Variants in HS6ST3 observed in about 807,000 individuals in gnomAD.
The protein encoded by HS6ST3 is heparan-sulfate 6-O-sulfotransferase 3.
A neutral mutation model predicts 36.7 loss-of-function variants in HS6ST3; 12 were observed. That is an observed-to-expected ratio of 0.33 (90% confidence interval 0.21 to 0.53). HS6ST3 has a LOEUF of 0.53. Ranked by LOEUF, HS6ST3 falls within the 20% of genes least tolerant of loss-of-function variation. The pLI is 0.95. For synonymous variants in HS6ST3, 240 were observed against 257.5 expected (o/e 0.93, Z 0.65); for missense variants, 584 against 640.9 (o/e 0.91, Z 0.96).
At chr13:96,729,678 G>A (rs180691040) in intron 1 of HS6ST3, among the ~76,000 whole-genome samples, 1 of 152,034 alleles carries the variant, frequency 6.6e-6, no homozygotes, top group Admixed American at 6.5e-5. Flanking sequence ...TGTTGGCCAG[G>A]CTGGTCTCAA....
intron 1 of HS6ST3, among the ~76,000 whole-genome samples, chr13:96,795,826 G>A (rs1877896609): frequency 6.6e-6 from 1 of 152,076 alleles, no homozygotes; most frequent in Admixed American, 6.6e-5. Flanking sequence ...ATTCTCCTTT[G>A]CAATTTCTGC....
At chr13:96,473,649 C>T (rs2138892301) in intron 1 of HS6ST3, among the ~76,000 whole-genome samples, 1 of 152,290 alleles carries the variant, frequency 6.6e-6, no homozygotes, top group Non-Finnish European at 1.5e-5. Flanking sequence ...CTGCTCTTGG[C>T]AGGGACTTAC....
chr13:96,833,121 C>T lies in HS6ST3; in HGVS notation c.1339C>T (p.His447Tyr). Reference protein sequence around the residue: ...ERRLQREHRDHQWPKEDGAAE... With the variant: ...ERRLQREHRDYQWPKEDGAAE... ...GAGGCTGCAGCGAGAGCACAGGGAC[C>T]ACCAGTGGCCCAAAGAAGATGGGGC... is the stretch of plus-strand genomic sequence containing the variant. Residue 447 changes from histidine to tyrosine, a missense_variant, in exon 2 of 2, where the codon CAC becomes TAC. Coordinates refer to ENST00000376705, the MANE Select transcript of HS6ST3 (RefSeq NM_153456.4). 6.2e-7 allele frequency: 1 copy of T among 1,602,762 alleles called. No homozygotes were observed. Among genetic ancestry groups the T allele is most frequent in the Non-Finnish European group, 8.5e-7 (1 of 1,179,660 alleles).
intron 1 of HS6ST3, among the ~76,000 whole-genome samples, chr13:96,422,127 T>A (rs760466892): frequency 5.3e-5 from 8 of 152,204 alleles, no homozygotes; most frequent in Non-Finnish European, 1.2e-4. Flanking sequence ...TGTTAAGATA[T>A]ACTTTTTGTC....
At chr13:96,267,373 A>T (rs909129137) in intron 1 of HS6ST3, among the ~76,000 whole-genome samples, 1 of 152,180 alleles carries the variant, frequency 6.6e-6, no homozygotes, top group African/African-American at 2.4e-5. Flanking sequence ...AATTGTATTT[A>T]ACCATTCTAA....
chr13:96,751,800 G>T (rs1876707573), intron 1 of HS6ST3, among the ~76,000 whole-genome samples: 2 of 151,158 alleles, frequency 1.3e-5, no homozygotes, highest in Non-Finnish European at 2.9e-5. Flanking sequence ...ACATATGTGT[G>T]TATGTGTATA....
intron 1 of HS6ST3, among the ~76,000 whole-genome samples, chr13:96,161,225 A>G (rs2054134080): frequency 6.6e-6 from 1 of 152,186 alleles, no homozygotes; most frequent in Non-Finnish European, 1.5e-5. Flanking sequence ...GCATTAAGGC[A>G]GAAAGAGATA....
intron 1 of HS6ST3, among the ~76,000 whole-genome samples, chr13:96,691,993 G>A (rs1232869625): frequency 6.6e-6 from 1 of 152,002 alleles, no homozygotes; most frequent in Non-Finnish European, 1.5e-5. Flanking sequence ...TACAGTATAT[G>A]GTACTTATAC....
chr13:96,430,122 A>T (rs2139473949), intron 1 of HS6ST3, among the ~76,000 whole-genome samples: 1 of 152,326 alleles, frequency 6.6e-6, no homozygotes, highest in Non-Finnish European at 1.5e-5. Flanking sequence ...TGGATGCTAC[A>T]GGCTTTGAGT....
At chr13:96,451,148 A>G (rs957541260) in intron 1 of HS6ST3, among the ~76,000 whole-genome samples, 2 of 152,148 alleles carry the variant, frequency 1.3e-5, no homozygotes, top group African/African-American at 4.8e-5. Flanking sequence ...TTTAATGTGT[A>G]ATAGTATTAC....
intron 1 of HS6ST3, among the ~76,000 whole-genome samples, chr13:96,667,160 A>G (rs1282299727): frequency 6.6e-6 from 1 of 152,210 alleles, no homozygotes; most frequent in African/African-American, 2.4e-5. Flanking sequence ...ATCATATTGA[A>G]TATGAATTAA....
At chr13:96,131,784 A>G (rs1421887948) in intron 1 of HS6ST3, among the ~76,000 whole-genome samples, 1 of 151,804 alleles carries the variant, frequency 6.6e-6, no homozygotes, top group Non-Finnish European at 1.5e-5. Context: ...TTACCTAGAA[A>G]ATAAAATGTC....
chr13:96,100,564 T>G (rs1343958228), intron 1 of HS6ST3, among the ~76,000 whole-genome samples: 1 of 152,130 alleles, frequency 6.6e-6, no homozygotes, highest in Non-Finnish European at 1.5e-5. Flanking sequence ...GTTTCAGTAG[T>G]AGGAGAGAGC....
In HS6ST3 at chr13:96,253,589, G is replaced by A. The variant is rs542687018; in HGVS notation, c.707+162020G>A. Among the ~76,000 whole-genome samples the A allele has an allele frequency of 3.3e-5, 5 of 152,276 alleles. No individual in the cohort carries two copies. In the South Asian group the frequency reaches 1.0e-3, roughly 32 times the overall value. ...TCACCAAAATCAGTATTTCTCTGGAGAGATGAGAGCTGGGGCCTCATATTC... is the reference window on the plus strand; with the variant it reads ...TCACCAAAATCAGTATTTCTCTGGAAAGATGAGAGCTGGGGCCTCATATTC... On this transcript the variant is annotated intron_variant, in intron 1 of 1. Transcript: ENST00000376705.
chr13:96,128,093 A>G (rs2053959991), intron 1 of HS6ST3, among the ~76,000 whole-genome samples: 1 of 152,184 alleles, frequency 6.6e-6, no homozygotes, highest in South Asian at 2.1e-4. Flanking sequence ...TCGAGTGATT[A>G]CTGTATGTTA....
intron 1 of HS6ST3, among the ~76,000 whole-genome samples, chr13:96,246,381 C>T (rs1455691845): frequency 6.6e-6 from 1 of 152,040 alleles, no homozygotes; most frequent in South Asian, 2.1e-4. Flanking sequence ...CTTTTTGATG[C>T]TAATAGGTTG....
chr13:96,278,625 T>C (rs1363192485), intron 1 of HS6ST3, among the ~76,000 whole-genome samples: 2 of 152,186 alleles, frequency 1.3e-5, no homozygotes, highest in Non-Finnish European at 1.5e-5. Context: ...ATGAGAAGAA[T>C]CAATAATTTC....
intron 1 of HS6ST3, among the ~76,000 whole-genome samples, chr13:96,212,578 G>C (rs972837155): frequency 9.9e-5 from 15 of 152,248 alleles, no homozygotes; most frequent in Non-Finnish European, 1.5e-5. Context: ...CTTGGCTCAT[G>C]CCTGTAATCC....
intron 1 of HS6ST3, among the ~76,000 whole-genome samples, chr13:96,537,464 A>G (rs548820738): frequency 1.3e-5 from 2 of 152,330 alleles, no homozygotes; most frequent in African/African-American, 4.8e-5. Context: ...TTTCACTCCC[A>G]GTTGCAATTA....
Sources: gnomAD v4.1 joint callset for allele counts (sites outside exome capture counted in the v4.1 genomes callset) on GRCh38, gnomAD v4.1.1 for gene constraint, MANE v1.5 for transcripts, NCBI Gene and HGNC (gene_info 2026-07-23, HGNC 2026-07-21) for gene names.